MAP3K15: variants seen among roughly 807,000 people sequenced by gnomAD.
The protein encoded by MAP3K15 is MAPK/ERK kinase kinase 15.
Under a neutral mutation model 99.5 loss-of-function variants are expected in MAP3K15, and 124 were observed. The observed-to-expected ratio is 1.25, with a 90% CI of 1.08 to 1.45. MAP3K15 has a LOEUF of 1.45. Ranked by LOEUF, MAP3K15 falls within the 40% of genes most tolerant of loss-of-function variation. The probability of loss-of-function intolerance (pLI) is 0.00; values close to 1 mark genes in which losing one functional copy is unlikely to be tolerated. For synonymous variants in MAP3K15, 494 were observed against 439.6 expected, an observed-to-expected ratio of 1.12 and a Z score of -1.55; for missense variants, 1,242 against 1,079.7, an observed-to-expected ratio of 1.15 and a Z score of -2.11.
chrX:19,400,181 A>T (rs1188739667), intron 14 of MAP3K15, among the ~76,000 whole-genome samples: 1 of 112,161 alleles, frequency 8.9e-6, no homozygotes, highest in Non-Finnish European at 1.9e-5. Flanking sequence ...AAATGATTTT[A>T]AAGTTGTTAT....
rs191560641 is a variant in MAP3K15 at position 19,481,051 on chromosome X, G to A, written c.525+5431C>T. Among the ~76,000 whole-genome samples, 330 of 102,948 alleles carry A rather than the reference G, an allele frequency of 3.2e-3. 1 individual carries two copies. The highest frequency in any genetic ancestry group is 0.011 in the African/African-American group (299 of 26,757). The allele number at this position is 102,948 out of a possible 115,157, so 89.4% of individuals were successfully genotyped here. ...GAGTACCTGAACCAGGGGAAGTCAA[G>A]GCTGTAGTGAGCCATGATCGCACCA... On this transcript the variant is annotated intron_variant, in intron 3 of 28. Coordinates refer to ENST00000338883, the MANE Select transcript of MAP3K15 (RefSeq NM_001001671.4).
intron 6 of MAP3K15, among the ~76,000 whole-genome samples, chrX:19,450,200 T>C (rs1210081669): frequency 9.1e-6 from 1 of 109,440 alleles, no homozygotes; most frequent in Non-Finnish European, 1.9e-5. Context: ...CCTTGAAAGC[T>C]AGCAATTCCA....
intron 1 of MAP3K15, among the ~76,000 whole-genome samples, chrX:19,506,554 T>G (rs934276507): frequency 1.8e-5 from 2 of 111,737 alleles, no homozygotes; most frequent in African/African-American, 6.5e-5. Context: ...GGAGTCTTGC[T>G]CTGCCGCCCA....
intron 3 of MAP3K15, among the ~76,000 whole-genome samples, chrX:19,469,252 T>C (rs914322417): frequency 9.0e-6 from 1 of 111,468 alleles, no homozygotes; most frequent in Non-Finnish European, 1.9e-5. Flanking sequence ...GCCGCATAGC[T>C]ACAACTATCT....
At chrX:19,512,752 C>T (rs776080506) in intron 1 of MAP3K15, among the ~76,000 whole-genome samples, 2 of 108,964 alleles carry the variant, frequency 1.8e-5, no homozygotes, top group South Asian at 8.0e-4. Flanking sequence ...AGCCACTGCA[C>T]CTGGCCTATC....
At chrX:19,499,253 C>T (rs1197277491) in intron 1 of MAP3K15, among the ~76,000 whole-genome samples, 1 of 111,862 alleles carries the variant, frequency 8.9e-6, no homozygotes, top group Non-Finnish European at 1.9e-5. Flanking sequence ...ATGAGAAGAA[C>T]CACAATTGAC....
At position 19,395,077 on chromosome X, in the gene MAP3K15, T is replaced by C; in HGVS notation, c.2194+4A>G. ...TGTGAGACCAGAAGACAGCGACTAC[T>C]CACCTCCAGGCACCTGCTCCATAAA... is the stretch of plus-strand genomic sequence containing the variant. On this transcript the variant is annotated splice_donor_region_variant and intron_variant, in intron 16 of 28. Transcript: ENST00000338883. 1 of 1,206,688 alleles carries C rather than the reference T, an allele frequency of 8.3e-7. No individual in the cohort carries two copies. The highest frequency in any genetic ancestry group is 1.8e-5 in the South Asian group (1 of 56,745).
chrX:19,392,817 C>A (rs1391328548), intron 16 of MAP3K15, among the ~76,000 whole-genome samples: 1 of 111,300 alleles, frequency 9.0e-6, no homozygotes, highest in African/African-American at 3.3e-5. Context: ...GGCCTGCTGG[C>A]GTAGATAACT....
intron 18 of MAP3K15, among the ~76,000 whole-genome samples, chrX:19,384,466 A>G (rs1023297102): frequency 9.1e-6 from 1 of 110,235 alleles, no homozygotes; most frequent in Non-Finnish European, 1.9e-5. Flanking sequence ...TTGGCTGGGC[A>G]TGGTGGCTCA....
chrX:19,441,862 T>C (rs942019649), intron 6 of MAP3K15, among the ~76,000 whole-genome samples: 9 of 112,049 alleles, frequency 8.0e-5, no homozygotes, highest in African/African-American at 2.9e-4. Flanking sequence ...TCCTATCATC[T>C]GGCTGAAAGG....
chrX:19,384,774 A>AAAAAAAAAC (rs1569205999), intron 18 of MAP3K15, among the ~76,000 whole-genome samples: 2 of 102,344 alleles, frequency 2.0e-5, no homozygotes, highest in African/African-American at 7.7e-5. Flanking sequence ...AAAAAAAAAA[A>AAAAAAAAAC]AAAAAACTGT....
intron 15 of MAP3K15, among the ~76,000 whole-genome samples, chrX:19,395,628 C>G (rs996882624): frequency 3.6e-5 from 4 of 111,488 alleles, no homozygotes; most frequent in African/African-American, 1.3e-4. Context: ...CAGAGTCGCC[C>G]CAGACCACAA....
intron 12 of MAP3K15, among the ~76,000 whole-genome samples, chrX:19,408,234 C>T (rs1462350666): frequency 1.8e-5 from 2 of 111,912 alleles, no homozygotes; most frequent in East Asian, 5.6e-4. Flanking sequence ...ATGATACGCC[C>T]TCAGGCCCTT....
chrX:19,384,748 G>GAAAAA (rs1569205907), intron 18 of MAP3K15, among the ~76,000 whole-genome samples: 2 of 56,467 alleles, frequency 3.5e-5, no homozygotes, highest in African/African-American at 7.0e-5. Flanking sequence ...TTGTCTCAGG[G>GAAAAA]GAAAAAAAAA....
chrX:19,426,818 CAAAAAAAAAAAA>C (rs746106862), intron 7 of MAP3K15, among the ~76,000 whole-genome samples: 1 of 21,149 alleles, frequency 4.7e-5, no homozygotes, highest in Admixed American at 6.9e-4. Context: ...AATCTGTCTC[CAAAAAAAAAAAA>C]AAAAAAAAAA....
chrX:19,380,447 A>G (rs967167259), intron 18 of MAP3K15, among the ~76,000 whole-genome samples, 170 bp from the exon 19 acceptor site: 1 of 111,867 alleles, frequency 8.9e-6, no homozygotes, highest in South Asian at 3.8e-4. Context: ...AAACAAAACA[A>G]AAAACCCACC....
At chrX:19,367,677 A>C (rs1030556491) in intron 25 of MAP3K15, among the ~76,000 whole-genome samples, 2 of 104,512 alleles carry the variant, frequency 1.9e-5, no homozygotes, top group Non-Finnish European at 3.9e-5. Context: ...CCACAGCAAC[A>C]AAGTGTCATT....
At chrX:19,403,650 C>T (rs2063626006) in intron 13 of MAP3K15, among the ~76,000 whole-genome samples, 1 of 103,114 alleles carries the variant, frequency 9.7e-6, no homozygotes, top group African/African-American at 3.6e-5. Flanking sequence ...GTACTTTTTG[C>T]AGAGACGGGG....
intron 18 of MAP3K15, among the ~76,000 whole-genome samples, chrX:19,390,667 A>G (rs894103804): frequency 2.8e-5 from 3 of 105,790 alleles, no homozygotes; most frequent in East Asian, 5.8e-4. Context: ...TCCTGCCTCA[A>G]TCTCCCAAAG....
Sources: gnomAD v4.1 joint callset for allele counts (sites outside exome capture counted in the v4.1 genomes callset) on GRCh38, gnomAD v4.1.1 for gene constraint, MANE v1.5 for transcripts, NCBI Gene and HGNC (gene_info 2026-07-23, HGNC 2026-07-21) for gene names.